The following PDE1C variants were observed in gnomAD, a reference collection of about 807,000 sequenced individuals.
The protein encoded by PDE1C is dual specificity calcium/calmodulin-dependent 3',5'-cyclic nucleotide phosphodiesterase 1C.
A neutral mutation model predicts 93.1 loss-of-function variants in PDE1C; 62 were observed. The observed-to-expected ratio is 0.67, with a 90% CI of 0.54 to 0.82. The LOEUF (loss-of-function observed/expected upper bound fraction) is 0.82. Ranked by LOEUF, PDE1C falls within the 40% of genes least tolerant of loss-of-function variation. The probability of loss-of-function intolerance (pLI) is 0.00; values close to 1 mark genes in which losing one functional copy is unlikely to be tolerated. For missense variants in PDE1C, 742 were observed against 884.6 expected, an observed-to-expected ratio of 0.84 and a Z score of 2.04; for synonymous variants, 325 against 310.1, an observed-to-expected ratio of 1.05 and a Z score of -0.50.
the PDE1C span, chr7:31,697,118 G>A: frequency 1.2e-6 from 2 of 1,613,464 alleles, no homozygotes; most frequent in South Asian, 1.1e-5. Context: ...TTTGCAGCAG[G>A]TAAAAAAGCT....
At chr7:31,892,050 G>A (rs1243916613) in intron 2 of PDE1C, among the ~76,000 whole-genome samples, 2 of 152,084 alleles carry the variant, frequency 1.3e-5, no homozygotes, top group East Asian at 3.9e-4. Context: ...TTAAAAAGTG[G>A]GACACAGTTA....
intron 2 of PDE1C, among the ~76,000 whole-genome samples, chr7:32,188,173 T>A (rs1804005023): frequency 6.6e-6 from 1 of 151,244 alleles, no homozygotes; most frequent in Non-Finnish European, 1.5e-5. Context: ...ACATTTTTCT[T>A]TATCTTTGTA....
At chr7:32,125,218 A>C (rs906178111) in intron 3 of PDE1C, among the ~76,000 whole-genome samples, 1 of 152,238 alleles carries the variant, frequency 6.6e-6, no homozygotes, top group African/African-American at 2.4e-5. Context: ...TCAAGAAACA[A>C]TAGATGCTGG....
intron 1 of PDE1C, among the ~76,000 whole-genome samples, chr7:32,420,205 A>G (rs1369384914): frequency 2.7e-5 from 1 of 36,726 alleles, no homozygotes; most frequent in Non-Finnish European, 5.7e-5. Context: ...ATATATATAC[A>G]TATATATGTA....
rs1210472274 is a variant in PDE1C, at chr7:32,299,028, G to A, written c.-293C>T. On this transcript the variant is annotated 5_prime_UTR_variant, in exon 1 of 19. Transcript: ENST00000396193. ...GGAGTGTCAGGAAGGGAGGACGCGC[G>A]CCCGAGCGCGTGGACGGGGCTGACC... The A allele has an allele frequency of 5.8e-6, 7 of 1,203,036 alleles. 1 individual carries two copies. The South Asian group carries it at 1.6e-4, about 28-fold the overall frequency. The allele number at this position is 1,203,036 out of a possible 1,614,324, so 74.5% of individuals were successfully genotyped here.
intron 1 of PDE1C, among the ~76,000 whole-genome samples, chr7:32,375,692 C>A (rs1784421498): frequency 6.6e-6 from 1 of 152,264 alleles, no homozygotes; most frequent in Non-Finnish European, 1.5e-5. Context: ...GGTCACACAA[C>A]TTGGCTTCTA....
intron 1 of PDE1C, among the ~76,000 whole-genome samples, chr7:32,244,325 G>T (rs536098242): frequency 6.6e-5 from 10 of 152,228 alleles, no homozygotes; most frequent in African/African-American, 1.4e-4. Flanking sequence ...GCCCAGACTG[G>T]TTCTTAAAAC....
chr7:31,640,537 ACT>A, the PDE1C span, among the ~76,000 whole-genome samples: 7 of 151,714 alleles, frequency 4.6e-5, no homozygotes, highest in African/African-American at 9.7e-5. Context: ...AGACCTGTAA[ACT>A]CTCTCAAAGC....
At chr7:31,776,078 C>G (rs6462301) in intron 16 of PDE1C, among the ~76,000 whole-genome samples, 18,821 of 152,128 alleles carry the variant, frequency 0.12, 3,009 homozygotes, top group African/African-American at 0.37. Flanking sequence ...GCCCAGCACT[C>G]ATGTTTTTAA....
chr7:31,703,567 C>T, the PDE1C span, among the ~76,000 whole-genome samples: 1 of 152,158 alleles, frequency 6.6e-6, no homozygotes, highest in Non-Finnish European at 1.5e-5. Context: ...CTTTCATTAC[C>T]ATATTAGCTG....
chr7:31,828,176 C>T (rs1789929565), intron 12 of PDE1C, 116 bp downstream of exon 12: 3 of 713,348 alleles, frequency 4.2e-6, no homozygotes, highest in South Asian at 3.9e-5. Context: ...GAGCCATGAG[C>T]ACAACATGGC....
At chr7:32,137,332 G>C (rs1473726764) in intron 3 of PDE1C, among the ~76,000 whole-genome samples, 2 of 152,160 alleles carry the variant, frequency 1.3e-5, no homozygotes, top group Non-Finnish European at 2.9e-5. Context: ...AGAGTCACCT[G>C]ATTCCTCAAG....
intron 1 of PDE1C, among the ~76,000 whole-genome samples, chr7:32,248,837 C>A (rs902747038): frequency 6.6e-6 from 1 of 152,184 alleles, no homozygotes; most frequent in African/African-American, 2.4e-5. Flanking sequence ...TTGTGAAGAG[C>A]TTCCTTTTGT....
At chr7:31,620,791 A>C in the PDE1C span, among the ~76,000 whole-genome samples, 2,223 of 152,302 alleles carry the variant, frequency 0.015, 62 homozygotes, top group African/African-American at 0.05. Flanking sequence ...AGAAGAAGAC[A>C]TCAGACGATC....
intron 1 of PDE1C, among the ~76,000 whole-genome samples, chr7:32,244,261 G>T (rs1461026620): frequency 6.6e-6 from 1 of 152,208 alleles, no homozygotes; most frequent in Non-Finnish European, 1.5e-5. Context: ...TGGGGATGTA[G>T]TTGTTGGCCC....
the PDE1C span, among the ~76,000 whole-genome samples, chr7:31,693,546 C>T: frequency 6.6e-6 from 1 of 152,172 alleles, no homozygotes; most frequent in Non-Finnish European, 1.5e-5. Flanking sequence ...GTTTCCTCAT[C>T]TTCAACATGG....
the PDE1C span, among the ~76,000 whole-genome samples, chr7:31,625,166 T>C: frequency 1.5e-3 from 235 of 152,192 alleles, no homozygotes; most frequent in Non-Finnish European, 2.3e-3. Flanking sequence ...CACTTTTACA[T>C]TGTTGGTGGG....
chr7:31,641,056 C>T, the PDE1C span, among the ~76,000 whole-genome samples: 3 of 152,164 alleles, frequency 2.0e-5, no homozygotes, highest in Admixed American at 6.5e-5. Context: ...ACTGTCTCCA[C>T]TTGCTGTCTT....
At chr7:32,268,168 A>G (rs1810739671) in intron 1 of PDE1C, among the ~76,000 whole-genome samples, 1 of 152,218 alleles carries the variant, frequency 6.6e-6, no homozygotes, top group African/African-American at 2.4e-5. Context: ...GATGTCAGGA[A>G]TTGAAGTTCA....
Sources: gnomAD v4.1 joint callset for allele counts (sites outside exome capture counted in the v4.1 genomes callset) on GRCh38, gnomAD v4.1.1 for gene constraint, MANE v1.5 for transcripts, NCBI Gene and HGNC (gene_info 2026-07-23, HGNC 2026-07-21) for gene names.